CCDC30: variants seen among roughly 807,000 people sequenced by gnomAD.
CCDC30 encodes the protein coiled-coil domain containing 30.
Under a neutral mutation model 100.2 loss-of-function variants are expected in CCDC30, and 70 were observed. The observed-to-expected ratio is 0.70, with a 90% CI of 0.58 to 0.85. The LOEUF (loss-of-function observed/expected upper bound fraction) is 0.85. CCDC30 is among the 40% of genes least tolerant of loss of function. The pLI is 0.00. For synonymous variants in CCDC30, 233 were observed against 269.5 expected, an observed-to-expected ratio of 0.86 and a Z score of 1.33; for missense variants, 652 against 771.2, an observed-to-expected ratio of 0.85 and a Z score of 1.83.
chr1:42,633,588 G>T (rs1647083834), intron 11 of CCDC30, among the ~76,000 whole-genome samples: 1 of 152,064 alleles, frequency 6.6e-6, no homozygotes, highest in African/African-American at 2.4e-5. Context: ...GAAACCGGGA[G>T]GGAGACCAAA....
At chr1:42,461,274 AC>A (rs924865655), upstream of CCDC30, among the ~76,000 whole-genome samples, 3 of 152,198 alleles carry the variant, frequency 2.0e-5, no homozygotes, top group Non-Finnish European at 4.4e-5. Flanking sequence ...AGGAAATGTG[AC>A]CTTGAACAGA....
At chr1:42,566,145 A>G in intron 6 of CCDC30, 151 bp from the exon 11 acceptor site, 1 of 597,510 alleles carries the variant, frequency 1.7e-6, no homozygotes. Flanking sequence ...CATAAATGTA[A>G]AAGAGTAGTT....
intron 3 of CCDC30, among the ~76,000 whole-genome samples, chr1:42,487,482 T>G (rs1644071562): frequency 6.6e-6 from 1 of 152,064 alleles, no homozygotes. Context: ...TTTGTAAGCG[T>G]AGTTACGGTC....
At chr1:42,585,759 T>A (rs1480742875) in intron 9 of CCDC30, among the ~76,000 whole-genome samples, 6 of 152,178 alleles carry the variant, frequency 3.9e-5, no homozygotes, top group African/African-American at 1.2e-4. Context: ...AAAATATTTT[T>A]AATTTATTGA....
chr1:42,637,111 A>G (rs892973197), intron 11 of CCDC30, 126 bp from the exon 16 acceptor site: 2 of 705,276 alleles, frequency 2.8e-6, no homozygotes, highest in Non-Finnish European at 2.4e-6. Context: ...CAGGATAAGT[A>G]TCCACATCCG....
intron 1 of CCDC30, among the ~76,000 whole-genome samples, chr1:42,470,676 A>G (rs937853251): frequency 1.3e-5 from 2 of 152,210 alleles, no homozygotes; most frequent in African/African-American, 4.8e-5. Flanking sequence ...TCTTGAAGAC[A>G]TTATGCTGCA....
Position 42,596,502 on chromosome 1 carries a change from C to T in CCDC30, c.1164+7019C>T, listed in dbSNP as rs952231910. Among the ~76,000 whole-genome samples, 2 of 151,874 alleles carry T rather than the reference C, an allele frequency of 1.3e-5. No individual in the cohort carries two copies. Among genetic ancestry groups the T allele is most frequent in the African/African-American group, 2.4e-5 (1 of 41,324 alleles). On this transcript the variant is annotated intron_variant, in intron 10 of 16. Coordinates refer to ENST00000668663, the Ensembl canonical transcript of CCDC30. This position sits in a 1 kb window ranked among gnomAD's most constrained non-coding sequence, Gnocchi z 4.3. ...CAACTCCAGCCAACTCTAGCCATCTCGTCCCACAAAAGGGAGGTGGGTGGA... is the reference window on the plus strand; with the variant it reads ...CAACTCCAGCCAACTCTAGCCATCTTGTCCCACAAAAGGGAGGTGGGTGGA...
At chr1:42,510,766 A>G (rs893788790) in intron 6 of CCDC30, among the ~76,000 whole-genome samples, 2 of 151,766 alleles carry the variant, frequency 1.3e-5, no homozygotes, top group Non-Finnish European at 2.9e-5. Context: ...AGGGAACTTG[A>G]GGGGGGCCCC....
chr1:42,497,061 G>T, intron 4 of CCDC30, 37 bp from the exon 5 acceptor site: 1 of 1,128,328 alleles, frequency 8.9e-7, no homozygotes, highest in South Asian at 4.5e-5. Flanking sequence ...CTAAAACTTT[G>T]ATCCAGTTGA....
chr1:42,522,218 T>C (rs1339090259), intron 6 of CCDC30, among the ~76,000 whole-genome samples: 1 of 152,184 alleles, frequency 6.6e-6, no homozygotes, highest in East Asian at 1.9e-4. Flanking sequence ...ATATTTTCAA[T>C]CCAGGGTTGG....
At chr1:42,653,489 C>CT in intron 16 of CCDC30, 46 bp downstream of exon 20, 19 of 1,254,172 alleles carry the variant, frequency 1.5e-5, no homozygotes, top group Non-Finnish European at 1.9e-5. Flanking sequence ...CTGAGATGGA[C>CT]TGTCAGCCAT....
Position 42,653,794 on chromosome 1 carries a change from G to T in CCDC30, c.1923-24G>T, listed in dbSNP as rs1648549929. 2.5e-6 allele frequency: 4 copies of T among 1,568,740 alleles called. No individual in the cohort carries two copies. In the South Asian group the frequency reaches 4.4e-5, roughly 17 times the overall value. On this transcript the variant is annotated intron_variant, in intron 16 of 16. Transcript: ENST00000668663. ...TACCAACAAACTCTATGTACATGAT[G>T]TCCTCACATATGGCATTTCTTAGTT...
At chr1:42,520,791 C>T (rs1644629075) in intron 6 of CCDC30, among the ~76,000 whole-genome samples, 1 of 150,686 alleles carries the variant, frequency 6.6e-6, no homozygotes, top group Non-Finnish European at 1.5e-5. Context: ...CAGGCACCTG[C>T]CACCACACCC....
chr1:42,502,342 G>A (rs937399248), intron 6 of CCDC30, among the ~76,000 whole-genome samples: 6 of 152,182 alleles, frequency 3.9e-5, no homozygotes, highest in Non-Finnish European at 8.8e-5. Context: ...CAGTATTAGG[G>A]TGGGAGTGTC....
At chr1:42,522,375 T>G (rs1179555569) in intron 6 of CCDC30, among the ~76,000 whole-genome samples, 9 of 152,160 alleles carry the variant, frequency 5.9e-5, no homozygotes, top group Admixed American at 5.9e-4. Context: ...GTCTTACTTC[T>G]GTCATTTTGC....
chr1:42,486,988 A>T (rs1644061364), intron 3 of CCDC30, among the ~76,000 whole-genome samples: 1 of 152,058 alleles, frequency 6.6e-6, no homozygotes, highest in Non-Finnish European at 1.5e-5. Context: ...GTAGATTGGC[A>T]TAGCTGGGCA....
the CCDC30 span, chr1:42,456,961 G>A: frequency 1.9e-6 from 3 of 1,604,648 alleles, no homozygotes; most frequent in East Asian, 6.7e-5. Flanking sequence ...CTGAGGCTCT[G>A]AGGAGCTACC....
At chr1:42,610,525 G>A (rs955399022) in intron 10 of CCDC30, among the ~76,000 whole-genome samples, 1 of 152,162 alleles carries the variant, frequency 6.6e-6, no homozygotes, top group Non-Finnish European at 1.5e-5. Flanking sequence ...CTAGGCTCAA[G>A]CCATTCTCCT....
chr1:42,514,782 T>C (rs2148495537), intron 6 of CCDC30, among the ~76,000 whole-genome samples: 1 of 152,288 alleles, frequency 6.6e-6, no homozygotes, highest in Non-Finnish European at 1.5e-5. Flanking sequence ...CCCTCCCAAG[T>C]AGCTGAGATT....
Sources: gnomAD v4.1 joint callset for allele counts (sites outside exome capture counted in the v4.1 genomes callset) on GRCh38, gnomAD v4.1.1 for gene constraint, Gnocchi (gnomAD v3.1) non-coding constraint, MANE v1.5 for transcripts, NCBI Gene and HGNC (gene_info 2026-07-23, HGNC 2026-07-21) for gene names.